Variants in DHX9 observed in about 807,000 individuals in gnomAD.
DHX9 encodes DExH-box helicase 9, also known as ATP-dependent RNA helicase A.
In DHX9, 27 loss-of-function variants were observed where a neutral mutation model predicts 148.7. The ratio of observed to expected loss-of-function variants is 0.18; its 90% confidence interval spans 0.13 to 0.25. The LOEUF is 0.25. Ranked by LOEUF, DHX9 falls within the 10% of genes least tolerant of loss-of-function variation. DHX9 has a pLI of 1.00. For missense variants in DHX9, 796 were observed against 1,559.6 expected (o/e 0.51, Z 8.25); for synonymous variants, 529 against 516.6 (o/e 1.02, Z -0.33).
chr1:182,875,540 G>T (rs1330528966), intron 16 of DHX9, among the ~76,000 whole-genome samples: 12 of 152,308 alleles, frequency 7.9e-5, no homozygotes, highest in Admixed American at 3.3e-4. Flanking sequence ...GACGACGATA[G>T]TATAGAAATG....
At chr1:182,848,647 C>T (rs910353006) in intron 3 of DHX9, among the ~76,000 whole-genome samples, 1 of 152,170 alleles carries the variant, frequency 6.6e-6, no homozygotes, top group African/African-American at 2.4e-5. Context: ...CTACTTTTAA[C>T]CCCACTGTAT....
At position 182,858,089 on chromosome 1, in the gene DHX9, G is replaced by A. The variant is rs370946711; in HGVS notation, c.674-15G>A. On this transcript the variant is annotated splice_polypyrimidine_tract_variant and intron_variant, in intron 7 of 27. Transcript: ENST00000367549. The stretch of plus-strand genomic sequence containing the variant: ...TGATTTCTTTCTGTCTGATAATCCT[G>A]ACCTTACATTATAGGGATTTTTGCA... 12 of 1,607,674 alleles carry A rather than the reference G, an allele frequency of 7.5e-6. No homozygotes were observed. The Admixed American group carries it at 1.2e-4, about 16-fold the overall frequency.
At chr1:182,855,816 G>C (rs1668240844) in intron 6 of DHX9, 1 of 873,284 alleles carries the variant, frequency 1.1e-6, no homozygotes. Context: ...GAATGTATCT[G>C]AGCAGTGAAA....
chr1:182,881,463 C>G lies in DHX9; in HGVS notation c.2786+38C>G. On this transcript the variant is annotated intron_variant, in intron 23 of 27. Transcript: ENST00000367549. ...TTTGGGTGAGCTGTCTGTAGTTTCT[C>G]ATTTGTATTTAGTTCTCTGGTCTTA... is the stretch of plus-strand genomic sequence containing the variant. The G allele has an allele frequency of 2.5e-6, 4 of 1,609,440 alleles. No homozygotes were observed. The African/African-American group carries it at 5.4e-5, about 22-fold the overall frequency.
intron 20 of DHX9, 150 bp from the exon 21 acceptor site, chr1:182,879,100 A>G (rs1361115579): frequency 2.4e-5 from 13 of 551,388 alleles, no homozygotes; most frequent in Non-Finnish European, 3.2e-5. Flanking sequence ...AACAGTGTGT[A>G]TAGTGAACGA....
intron 21 of DHX9, among the ~76,000 whole-genome samples, chr1:182,879,716 A>C (rs577391367): frequency 6.6e-6 from 1 of 152,166 alleles, no homozygotes; most frequent in Admixed American, 6.5e-5. Flanking sequence ...ATTTCATATG[A>C]ATCTCTTACA....
At chr1:182,872,740 G>T (rs1373080243) in intron 15 of DHX9, among the ~76,000 whole-genome samples, 3 of 152,094 alleles carry the variant, frequency 2.0e-5, no homozygotes, top group Admixed American at 2.0e-4. Context: ...AAGTTTCCAG[G>T]CCTTTACTTA....
chr1:182,851,764 A>G (rs193167398), intron 3 of DHX9, among the ~76,000 whole-genome samples: 60 of 152,316 alleles, frequency 3.9e-4, no homozygotes, highest in African/African-American at 1.3e-3. Context: ...AGTACTAATG[A>G]TCTTATAAGA....
chr1:182,887,388 A>G lies in DHX9; in HGVS notation c.3767A>G (p.Tyr1256Cys), dbSNP rs779576879. Residue 1256 changes from tyrosine (Y) to cysteine (C), a missense_variant, in exon 28 of 28, where the codon TAT (tyrosine) becomes TGT (cysteine). By Grantham distance (194) the Tyr-to-Cys change is radical (BLOSUM62 -2). This residue lies in a region of DHX9 where 98 missense variants were observed against 105.5 expected (regional missense o/e 0.93). Coordinates refer to ENST00000367549, the MANE Select transcript of DHX9 (RefSeq NM_001357.5). ...GFQRGGGRGA[Y>C]GTGYFGQGRG... ...CAGCGAGGAGGTGGTAGGGGGGCCT[A>G]TGGAACTGGCTACTTTGGACAGGGA... 1.5e-5 allele frequency: 24 copies of G among 1,613,894 alleles called. No individual in the cohort carries two copies. The highest frequency in any genetic ancestry group is 4.4e-5 in the South Asian group (4 of 91,062).
chr1:182,859,176 G>A lies in DHX9; in HGVS notation c.1140+59G>A, dbSNP rs559199115. 1.2e-4 allele frequency: 186 copies of A among 1,496,508 alleles called. No individual in the cohort carries two copies. The East Asian group carries it at 1.7e-3, about 14-fold the overall frequency. The allele number at this position is 1,496,508 out of a possible 1,614,324, so 92.7% of individuals were successfully genotyped here. ...GAGCTTCAGAATGTTCTAGGTATGG[G>A]TAAAAAGTCAATGAGCAGTACATTT... On this transcript the variant is annotated intron_variant, in intron 11 of 27. Coordinates refer to ENST00000367549, the MANE Select transcript of DHX9 (RefSeq NM_001357.5).
intron 5 of DHX9, 65 bp downstream of exon 5, chr1:182,853,483 T>G (rs1288691809): frequency 3.4e-6 from 4 of 1,175,202 alleles, no homozygotes; most frequent in Admixed American, 2.1e-5. Flanking sequence ...ACAGCAAAGC[T>G]TAGGATTAGG....
chr1:182,864,059 G>A (rs888399261), intron 12 of DHX9, among the ~76,000 whole-genome samples: 2 of 152,128 alleles, frequency 1.3e-5, no homozygotes, highest in South Asian at 2.1e-4. Flanking sequence ...AGGTACTTTG[G>A]AGGCTGAGGT....
intron 15 of DHX9, among the ~76,000 whole-genome samples, chr1:182,873,093 C>T (rs1365297174): frequency 2.0e-5 from 3 of 152,082 alleles, no homozygotes; most frequent in Non-Finnish European, 4.4e-5. Context: ...GTACCTGGGA[C>T]TACAGGCGCA....
At chr1:182,857,663 T>C (rs1668280273) in intron 7 of DHX9, among the ~76,000 whole-genome samples, 1 of 152,254 alleles carries the variant, frequency 6.6e-6, no homozygotes, top group South Asian at 2.1e-4. Flanking sequence ...CTATATGGCC[T>C]GCAAAGCCTA....
chr1:182,856,667 T>C (rs1668256462), intron 7 of DHX9, 89 bp downstream of exon 7: 1 of 1,128,006 alleles, frequency 8.9e-7, no homozygotes, highest in East Asian at 2.4e-5. Flanking sequence ...ATACAGAAGC[T>C]GTATTATTTG....
intron 15 of DHX9, among the ~76,000 whole-genome samples, chr1:182,873,758 A>T (rs796395567): frequency 2.8e-4 from 42 of 152,344 alleles, no homozygotes; most frequent in African/African-American, 1.0e-3. Context: ...AGATAGGGAT[A>T]TGCCCCACAT....
rs766712780 is a variant in DHX9, at chr1:182,881,478, C to A, written c.2787-42C>A. The A allele has an allele frequency of 2.4e-5, 38 of 1,608,524 alleles. 2 individuals carry two copies. Among genetic ancestry groups the A allele is most frequent in the Middle Eastern group, 3.3e-4 (2 of 6,024 alleles). ...TGTAGTTTCTCATTTGTATTTAGTT[C>A]TCTGGTCTTAGAGAATGATTTCTCA... On this transcript the variant is annotated intron_variant, in intron 23 of 27. Coordinates refer to ENST00000367549, the MANE Select transcript of DHX9 (RefSeq NM_001357.5).
intron 3 of DHX9, among the ~76,000 whole-genome samples, chr1:182,846,705 GT>G (rs1355130525): frequency 1.3e-5 from 2 of 152,100 alleles, no homozygotes; most frequent in African/African-American, 4.8e-5. Flanking sequence ...CCGGGCATGG[GT>G]TTTTTTGTAT....
chr1:182,854,250 C>G (rs1411110032), intron 6 of DHX9, 72 bp downstream of exon 6: 3 of 1,379,520 alleles, frequency 2.2e-6, no homozygotes, highest in South Asian at 1.6e-5. Context: ...TGAATATAAT[C>G]TATTTTTGTA....
Sources: allele counts gnomAD v4.1 joint callset (sites outside exome capture counted in the v4.1 genomes callset), GRCh38; gene constraint gnomAD v4.1.1; regional missense constraint gnomAD v4.1.1; transcripts MANE v1.5; gene names NCBI Gene and HGNC (gene_info 2026-07-23, HGNC 2026-07-21).